The following PEX7 variants were observed in gnomAD, a reference collection of about 807,000 sequenced individuals.
PEX7 encodes PTS2 receptor.
In PEX7, 34 loss-of-function variants were observed where a neutral mutation model predicts 47.5. The ratio of observed to expected loss-of-function variants is 0.72; its 90% CI spans 0.54 to 0.95. The LOEUF (loss-of-function observed/expected upper bound fraction) is 0.95. Among genes scored for constraint, PEX7 ranks in the 40% least tolerant of loss-of-function variants. The pLI is 0.00. For missense variants in PEX7, 394 were observed against 400.3 expected, an observed-to-expected ratio of 0.98 and a Z score of 0.13; for synonymous variants, 141 against 148.8, an observed-to-expected ratio of 0.95 and a Z score of 0.38.
chr6:136,827,644 T>C (rs1774219943), intron 3 of PEX7, among the ~76,000 whole-genome samples: 1 of 152,000 alleles, frequency 6.6e-6, no homozygotes, highest in African/African-American at 2.4e-5. Context: ...GCCATTCTCA[T>C]GTCTTAGCCA....
chr6:136,860,879 A>G (rs1394511767), intron 5 of PEX7, among the ~76,000 whole-genome samples: 2 of 152,248 alleles, frequency 1.3e-5, no homozygotes, highest in East Asian at 3.9e-4. Flanking sequence ...TCCCATCCTT[A>G]TAGTCGCTTC....
At chr6:136,909,604 T>G (rs1775901499) in intron 9 of PEX7, among the ~76,000 whole-genome samples, 1 of 152,224 alleles carries the variant, frequency 6.6e-6, no homozygotes, top group African/African-American at 2.4e-5. Context: ...CTTACCTTAT[T>G]ATTATTTTCT....
At chr6:136,889,037 C>G (rs1775513846) in intron 8 of PEX7, among the ~76,000 whole-genome samples, 1 of 152,028 alleles carries the variant, frequency 6.6e-6, no homozygotes, top group African/African-American at 2.4e-5. Flanking sequence ...GTGTAATATG[C>G]AATATACTGA....
intron 3 of PEX7, among the ~76,000 whole-genome samples, chr6:136,844,457 A>G (rs563432712): frequency 6.6e-5 from 10 of 152,326 alleles, no homozygotes; most frequent in African/African-American, 1.7e-4. Context: ...AGTCAAGCTA[A>G]TTAACATATC....
intron 5 of PEX7, 80 bp from the exon 6 acceptor site, chr6:136,866,542 TACTTG>T: frequency 8.9e-7 from 1 of 1,121,056 alleles, no homozygotes; most frequent in Non-Finnish European, 1.4e-6. Flanking sequence ...AGTGTATTTT[TACTTG>T]ACTTATTATT....
intron 9 of PEX7, among the ~76,000 whole-genome samples, chr6:136,904,309 AT>A (rs1439247577): frequency 6.6e-6 from 1 of 152,224 alleles, no homozygotes; most frequent in Non-Finnish European, 1.5e-5. Context: ...TTACAATGAT[AT>A]AACAAGTCCT....
chr6:136,824,698 T>A (rs1280340540), intron 1 of PEX7, among the ~76,000 whole-genome samples: 1 of 152,224 alleles, frequency 6.6e-6, no homozygotes, highest in Non-Finnish European at 1.5e-5. Flanking sequence ...TTTCAGCACT[T>A]TATTACCACC....
intron 8 of PEX7, among the ~76,000 whole-genome samples, chr6:136,891,652 T>C (rs923243657): frequency 7.0e-5 from 9 of 128,412 alleles, no homozygotes; most frequent in Admixed American, 4.5e-4. Context: ...TCAACAGCCC[T>C]TTTTTTTTTT....
At chr6:136,839,509 A>G (rs1046472186) in intron 3 of PEX7, among the ~76,000 whole-genome samples, 4 of 152,024 alleles carry the variant, frequency 2.6e-5, no homozygotes, top group African/African-American at 9.7e-5. Context: ...TTCTTTTCCC[A>G]TTTTCCTGGT....
rs927917492 is a variant in PEX7 at position 136,869,987 on chromosome 6, C to T, written c.731C>T (p.Ala244Val). The T allele has an allele frequency of 6.2e-7, 1 of 1,602,594 alleles. No homozygotes were observed. Among genetic ancestry groups the T allele is most frequent in the South Asian group, 1.1e-5 (1 of 90,664 alleles). Residue 244 changes from alanine to valine, a missense_variant, in exon 7 of 10, where the codon GCT (alanine) becomes GTT (valine). Coordinates refer to ENST00000318471, the MANE Select transcript of PEX7 (RefSeq NM_000288.4). ...TTTGAACTTCTTGGTCATACCTATG[C>T]TATTAGGAGGGTGAAAGTAAGTTTT... ...PVFELLGHTY[A>V]IRRVKFSPFH... is the part of the protein sequence containing the mutation.
intron 5 of PEX7, among the ~76,000 whole-genome samples, chr6:136,858,028 C>G (rs902534228): frequency 1.3e-5 from 2 of 152,118 alleles, no homozygotes; most frequent in African/African-American, 4.8e-5. Flanking sequence ...GTTGCCCAGG[C>G]TGGTCTAGAA....
intron 3 of PEX7, among the ~76,000 whole-genome samples, chr6:136,833,686 G>A (rs1774335233): frequency 6.6e-6 from 1 of 152,182 alleles, no homozygotes; most frequent in Non-Finnish European, 1.5e-5. Flanking sequence ...TAAAGATTGT[G>A]ATTGTACAGA....
At chr6:136,829,922 G>A (rs1448757618) in intron 3 of PEX7, 3 of 687,148 alleles carry the variant, frequency 4.4e-6, no homozygotes, top group East Asian at 5.4e-5. Context: ...GGACAACAGA[G>A]TGAGACCCTG....
chr6:136,891,789 C>T (rs1279476918), intron 8 of PEX7, among the ~76,000 whole-genome samples: 1 of 152,026 alleles, frequency 6.6e-6, no homozygotes, highest in Admixed American at 6.6e-5. Flanking sequence ...TGTAGACATC[C>T]ACCACCATCC....
chr6:136,857,111 A>G (rs1053161003), intron 5 of PEX7, among the ~76,000 whole-genome samples: 8 of 152,234 alleles, frequency 5.3e-5, no homozygotes, highest in African/African-American at 1.2e-4. Flanking sequence ...TAAAAAGTCA[A>G]TGCAAGTTGC....
chr6:136,892,429 G>C (rs925078985), intron 8 of PEX7, among the ~76,000 whole-genome samples: 11 of 152,174 alleles, frequency 7.2e-5, no homozygotes, highest in Admixed American at 2.0e-4. Context: ...ATCTTTTTTA[G>C]TAGAAAAAGT....
chr6:136,857,307 ATTT>A (rs1204242165), intron 5 of PEX7, among the ~76,000 whole-genome samples: 1 of 152,194 alleles, frequency 6.6e-6, no homozygotes, highest in Non-Finnish European at 1.5e-5. Flanking sequence ...ACACGAAAAT[ATTT>A]TTGATAGTTA....
At chr6:136,841,080 C>T (rs1180438221) in intron 3 of PEX7, among the ~76,000 whole-genome samples, 1 of 152,124 alleles carries the variant, frequency 6.6e-6, no homozygotes, top group East Asian at 1.9e-4. Flanking sequence ...AAAATTGTAA[C>T]CTCCTTTCCC....
intron 5 of PEX7, among the ~76,000 whole-genome samples, chr6:136,861,403 G>C (rs1231670182): frequency 6.6e-6 from 1 of 152,078 alleles, no homozygotes; most frequent in African/African-American, 2.4e-5. Flanking sequence ...CTTTAAGTCA[G>C]TTCACATACT....
Sources: allele counts gnomAD v4.1 joint callset (sites outside exome capture counted in the v4.1 genomes callset), GRCh38; gene constraint gnomAD v4.1.1; transcripts MANE v1.5; gene names NCBI Gene and HGNC (gene_info 2026-07-23, HGNC 2026-07-21).